Variants in STX8 observed in about 807,000 individuals in gnomAD.
The protein encoded by STX8 is syntaxin 8.
STX8 carries 23 observed loss-of-function variants against 37.5 expected under a neutral mutation model. The ratio of observed to expected loss-of-function variants is 0.61; its 90% CI spans 0.44 to 0.87. STX8 has a LOEUF of 0.87. Among genes scored for constraint, STX8 ranks in the 40% least tolerant of loss-of-function variants. The pLI, the probability that STX8 is intolerant of heterozygous loss-of-function variation, is 0.00. For synonymous variants in STX8, 115 were observed against 99.1 expected (o/e 1.16, Z -0.95); for missense variants, 313 against 284.7 (o/e 1.10, Z -0.71).
chr17:9,434,820 G>T (rs4350606), intron 6 of STX8, among the ~76,000 whole-genome samples: 86,087 of 152,126 alleles, frequency 0.57, 26,216 homozygotes, highest in African/African-American at 0.79. Context: ...GCATGCAAAT[G>T]AAGAGGTGGG....
intron 6 of STX8, among the ~76,000 whole-genome samples, chr17:9,433,738 A>C (rs1298586534): frequency 1.3e-5 from 2 of 152,180 alleles, no homozygotes; most frequent in Non-Finnish European, 2.9e-5. Context: ...CAAAAGAGTG[A>C]AAACTCTAGC....
chr17:9,505,667 G>A (rs138909157), intron 4 of STX8, among the ~76,000 whole-genome samples: 99 of 152,288 alleles, frequency 6.5e-4, no homozygotes, highest in African/African-American at 2.3e-3. Flanking sequence ...GGAGCCGGGC[G>A]CAGTGGCTCA....
intron 7 of STX8, among the ~76,000 whole-genome samples, chr17:9,284,613 G>A (rs918035783): frequency 1.3e-5 from 2 of 152,092 alleles, no homozygotes; most frequent in African/African-American, 4.8e-5. Context: ...CTTTAAAAGT[G>A]TATAAAGCTA....
intron 6 of STX8, among the ~76,000 whole-genome samples, chr17:9,445,896 G>T (rs1387226532): frequency 1.4e-5 from 2 of 142,496 alleles, no homozygotes; most frequent in African/African-American, 2.7e-5. Context: ...GGAGTGCAGT[G>T]GTGTGATCTC....
intron 6 of STX8, among the ~76,000 whole-genome samples, chr17:9,482,144 C>T (rs1195784122): frequency 6.6e-6 from 1 of 152,120 alleles, no homozygotes; most frequent in African/African-American, 2.4e-5. Flanking sequence ...TGAATAGACA[C>T]TGCATTCCAG....
Position 9,501,839 on chromosome 17 carries a change from G to A in STX8, c.448+3199C>T, listed in dbSNP as rs185859412. Among the ~76,000 whole-genome samples the A allele has an allele frequency of 4.7e-3, 718 of 151,544 alleles. 7 individuals are homozygous for A. The highest frequency in any genetic ancestry group is 8.5e-3 in the Non-Finnish European group (575 of 67,838). The stretch of plus-strand genomic sequence containing the variant: ...AAAAAATTAGCCAGGCATGGTGGTG[G>A]GTGCTTGTAGTCCCAGCTACTCGGG... On this transcript the variant is annotated intron_variant, in intron 5 of 7. Transcript: ENST00000306357.
chr17:9,546,590 GGTT>G (rs1292344295), intron 3 of STX8, among the ~76,000 whole-genome samples: 2,306 of 62,080 alleles, frequency 0.037, 73 homozygotes, highest in Non-Finnish European at 0.052. Context: ...CTACAAAAGT[GGTT>G]TTTTTTTTTT....
chr17:9,363,085 T>C (rs1057264715), intron 7 of STX8, among the ~76,000 whole-genome samples: 5 of 152,120 alleles, frequency 3.3e-5, no homozygotes, highest in African/African-American at 1.2e-4. Flanking sequence ...CACGTGTGTA[T>C]ACAGTGTGGT....
chr17:9,361,927 C>T (rs1288368390), intron 7 of STX8, among the ~76,000 whole-genome samples: 2 of 152,198 alleles, frequency 1.3e-5, no homozygotes, highest in Non-Finnish European at 2.9e-5. Context: ...CCATTTGATT[C>T]ATTTTATAGT....
intron 7 of STX8, among the ~76,000 whole-genome samples, chr17:9,253,079 A>G (rs751382011): frequency 1.3e-5 from 2 of 152,152 alleles, no homozygotes; most frequent in Non-Finnish European, 2.9e-5. Flanking sequence ...TGCGCTCTTC[A>G]TTTCTTTCAT....
intron 4 of STX8, among the ~76,000 whole-genome samples, chr17:9,529,228 C>A (rs1394826954): frequency 6.7e-6 from 1 of 149,280 alleles, no homozygotes; most frequent in African/African-American, 2.5e-5. Context: ...ATCTTGTGGT[C>A]TGTTCAGGAC....
chr17:9,329,050 C>CAAAA (rs998679728), intron 7 of STX8, among the ~76,000 whole-genome samples: 464 of 28,002 alleles, frequency 0.017, 68 homozygotes, highest in East Asian at 0.04. Flanking sequence ...GATTCCATCT[C>CAAAA]AAAAAAAAAA....
intron 1 of STX8, among the ~76,000 whole-genome samples, chr17:9,573,558 C>T (rs1381280566): frequency 6.6e-6 from 1 of 152,150 alleles, no homozygotes; most frequent in Admixed American, 6.5e-5. Context: ...AAGCTGTTCC[C>T]CAACCACCTT....
At position 9,423,966 on chromosome 17, in the gene STX8, T is replaced by C. The variant is rs150513141; in HGVS notation, c.542-45313A>G. Among the ~76,000 whole-genome samples, 147 of 152,298 alleles carry C rather than the reference T, an allele frequency of 9.7e-4. 1 individual carries two copies. Among genetic ancestry groups the C allele is most frequent in the African/African-American group, 3.2e-3 (133 of 41,558 alleles). On this transcript the variant is annotated intron_variant, in intron 6 of 7. Transcript: ENST00000306357. ...CACAGAGTTCAGTATGGCAGTGACT[T>C]AGGCTTCGGCACACAAGTCAGCCAT... is the stretch of plus-strand genomic sequence containing the variant.
At chr17:9,464,387 G>A (rs189082413) in intron 6 of STX8, among the ~76,000 whole-genome samples, 3 of 152,168 alleles carry the variant, frequency 2.0e-5, no homozygotes, top group South Asian at 2.1e-4. Context: ...CAAATCTGCC[G>A]CTAGGTATAA....
intron 6 of STX8, among the ~76,000 whole-genome samples, chr17:9,460,059 A>T (rs949111203): frequency 2.0e-5 from 3 of 152,220 alleles, no homozygotes; most frequent in Non-Finnish European, 4.4e-5. Flanking sequence ...GGGTTGAGAG[A>T]CAATGGCTTC....
chr17:9,326,389 C>T (rs539068940), intron 7 of STX8, among the ~76,000 whole-genome samples: 1 of 152,226 alleles, frequency 6.6e-6, no homozygotes, highest in Admixed American at 6.5e-5. Context: ...CCCAAAGCGC[C>T]AGGATGACAG....
chr17:9,547,642 A>AAAAAGAAAAG (rs1555536289), intron 3 of STX8, among the ~76,000 whole-genome samples: 2 of 115,846 alleles, frequency 1.7e-5, no homozygotes, highest in African/African-American at 6.3e-5. Flanking sequence ...AAAAAAAAGA[A>AAAAAGAAAAG]AAAAGAAAAG....
chr17:9,569,376 A>ACAC (rs1385890212), intron 1 of STX8: 13 of 154,658 alleles, frequency 8.4e-5, no homozygotes, highest in African/African-American at 2.9e-4. Context: ...GGATCAGGTG[A>ACAC]CACCGAGGCA....
Sources: allele counts gnomAD v4.1 joint callset (sites outside exome capture counted in the v4.1 genomes callset), GRCh38; gene constraint gnomAD v4.1.1; transcripts MANE v1.5; gene names NCBI Gene and HGNC (gene_info 2026-07-23, HGNC 2026-07-21).